SPOCK3: variants seen among roughly 807,000 people sequenced by gnomAD.
SPOCK3 encodes testican-3.
Under a neutral mutation model 56.6 loss-of-function variants are expected in SPOCK3, and 30 were observed. The ratio of observed to expected loss-of-function variants is 0.53; its 90% CI spans 0.40 to 0.72. SPOCK3 has a LOEUF of 0.72. SPOCK3 is among the 30% of genes least tolerant of loss of function. The pLI, the probability that SPOCK3 is intolerant of heterozygous loss-of-function variation, is 0.00. For synonymous variants in SPOCK3, 196 were observed against 183.3 expected (o/e 1.07, Z -0.56); for missense variants, 527 against 530.0 (o/e 0.99, Z 0.06).
intron 2 of SPOCK3, among the ~76,000 whole-genome samples, chr4:167,161,555 A>C (rs145196498): frequency 2.1e-3 from 319 of 152,286 alleles, no homozygotes; most frequent in African/African-American, 7.0e-3. Context: ...TACCCAAAGG[A>C]TTATAAACCA....
intron 3 of SPOCK3, among the ~76,000 whole-genome samples, chr4:167,032,981 C>T (rs1388406330): frequency 4.6e-5 from 7 of 151,874 alleles, no homozygotes; most frequent in Admixed American, 2.0e-4. Context: ...TCTTCAATTA[C>T]GACTAATGGC....
chr4:166,945,322 C>T (rs925847127), intron 4 of SPOCK3, among the ~76,000 whole-genome samples: 1 of 152,082 alleles, frequency 6.6e-6, no homozygotes, highest in African/African-American at 2.4e-5. Flanking sequence ...ATATTTGCAT[C>T]TATATTCATT....
intron 4 of SPOCK3, among the ~76,000 whole-genome samples, chr4:166,914,924 A>G (rs1017663855): frequency 3.9e-5 from 6 of 152,164 alleles, no homozygotes; most frequent in African/African-American, 1.4e-4. Context: ...AACACTAAAT[A>G]AACATGTTCA....
At chr4:167,108,579 T>C (rs530988158) in intron 2 of SPOCK3, among the ~76,000 whole-genome samples, 24 of 151,920 alleles carry the variant, frequency 1.6e-4, no homozygotes, top group African/African-American at 4.8e-4. Flanking sequence ...TCACATATTC[T>C]CACTTATTTG....
In SPOCK3 at chr4:166,825,430, C is replaced by T. The variant is rs538971540; in HGVS notation, c.590-33141G>A. Among the ~76,000 whole-genome samples, 27 of 152,020 alleles carry T rather than the reference C, an allele frequency of 1.8e-4. No individual in the cohort carries two copies. The South Asian group carries it at 4.6e-3, about 26-fold the overall frequency. On this transcript the variant is annotated intron_variant, in intron 6 of 10. Transcript: ENST00000357545. ...CAACTTAAAGGGAACAATTTTACAC[C>T]GCTGGTAGGAATGTAAACTAGTACA...
intron 2 of SPOCK3, among the ~76,000 whole-genome samples, chr4:167,188,097 C>T (rs1284031045): frequency 8.4e-6 from 1 of 118,786 alleles, no homozygotes; most frequent in Non-Finnish European, 1.7e-5. Flanking sequence ...CCACGATAAT[C>T]CAGATAGTGC....
intron 4 of SPOCK3, among the ~76,000 whole-genome samples, chr4:166,932,916 C>A (rs1739953133): frequency 6.6e-6 from 1 of 152,032 alleles, no homozygotes; most frequent in South Asian, 2.1e-4. Flanking sequence ...CTCTGATTTT[C>A]ATGTAACAGG....
chr4:167,023,591 G>A (rs2150166667), intron 3 of SPOCK3, among the ~76,000 whole-genome samples: 1 of 152,048 alleles, frequency 6.6e-6, no homozygotes, highest in South Asian at 2.1e-4. Context: ...CACCAGTGGT[G>A]ACTTTAACAG....
chr4:166,972,414 T>C (rs929928988), intron 4 of SPOCK3, among the ~76,000 whole-genome samples: 12 of 152,106 alleles, frequency 7.9e-5, no homozygotes, highest in African/African-American at 2.9e-4. Flanking sequence ...CTCAGCAGAC[T>C]GTCTCAAGTT....
At chr4:166,812,443 A>G (rs1743934923) in intron 6 of SPOCK3, among the ~76,000 whole-genome samples, 1 of 151,958 alleles carries the variant, frequency 6.6e-6, no homozygotes, top group South Asian at 2.1e-4. Flanking sequence ...GTAACTGTTC[A>G]TTCACATAAA....
chr4:166,867,357 G>A (rs1227911718), intron 6 of SPOCK3, among the ~76,000 whole-genome samples: 1 of 151,928 alleles, frequency 6.6e-6, no homozygotes. Context: ...AGATAGAGAA[G>A]AGTGTTCCAT....
At chr4:167,232,952 CCACGTAGTG>C (rs1737330297) in intron 2 of SPOCK3, among the ~76,000 whole-genome samples, 1 of 152,140 alleles carries the variant, frequency 6.6e-6, no homozygotes, top group Non-Finnish European at 1.5e-5. Flanking sequence ...TAACTCATCT[CCACGTAGTG>C]CACTGCAGAT....
chr4:167,205,347 A>G (rs1314174292), intron 2 of SPOCK3, among the ~76,000 whole-genome samples: 2 of 39,238 alleles, frequency 5.1e-5, no homozygotes, highest in Non-Finnish European at 7.9e-5. Context: ...TATATTATAT[A>G]TATAATATAT....
At chr4:167,066,934 G>A (rs139741304) in intron 2 of SPOCK3, among the ~76,000 whole-genome samples, 10 of 151,880 alleles carry the variant, frequency 6.6e-5, no homozygotes, top group African/African-American at 9.6e-5. Flanking sequence ...AAGCTTACAC[G>A]GAAAGGTCAA....
At chr4:166,830,128 A>G (rs1199737947) in intron 6 of SPOCK3, among the ~76,000 whole-genome samples, 1 of 151,830 alleles carries the variant, frequency 6.6e-6, no homozygotes, top group Admixed American at 6.6e-5. Context: ...CACCCTTTCT[A>G]CTCTATGGTT....
chr4:166,842,761 G>C (rs1179673893), intron 6 of SPOCK3, among the ~76,000 whole-genome samples: 6 of 152,232 alleles, frequency 3.9e-5, no homozygotes, highest in Non-Finnish European at 7.3e-5. Flanking sequence ...TGACTCAGGA[G>C]CCCAGCTGGC....
intron 2 of SPOCK3, among the ~76,000 whole-genome samples, chr4:167,087,815 A>G (rs1758337064): frequency 6.6e-6 from 1 of 152,164 alleles, no homozygotes; most frequent in South Asian, 2.1e-4. Context: ...TCTGGTACAC[A>G]TTGTTTCAAA....
At chr4:167,111,763 T>C (rs1487245519) in intron 2 of SPOCK3, among the ~76,000 whole-genome samples, 27 of 101,298 alleles carry the variant, frequency 2.7e-4, no homozygotes, top group African/African-American at 6.7e-4. Flanking sequence ...AAAGTAGCAC[T>C]TTTTTTTTTT....
At chr4:167,031,631 A>G (rs1437022349) in intron 3 of SPOCK3, among the ~76,000 whole-genome samples, 1 of 152,024 alleles carries the variant, frequency 6.6e-6, no homozygotes, top group East Asian at 1.9e-4. Context: ...TTGAGCAAAG[A>G]AAAACTAGAG....
Sources: gnomAD v4.1 joint callset for allele counts (sites outside exome capture counted in the v4.1 genomes callset) on GRCh38, gnomAD v4.1.1 for gene constraint, MANE v1.5 for transcripts, NCBI Gene and HGNC (gene_info 2026-07-23, HGNC 2026-07-21) for gene names.